The following MGRN1 variants were observed in gnomAD, a reference collection of about 807,000 sequenced individuals.
MGRN1 encodes E3 ubiquitin-protein ligase MGRN1.
MGRN1 carries 29 observed loss-of-function variants against 69.2 expected under a neutral mutation model. That is an observed-to-expected ratio of 0.42 (90% CI 0.31 to 0.57). The LOEUF (loss-of-function observed/expected upper bound fraction) is 0.57. MGRN1 is among the 20% of genes least tolerant of loss of function. The pLI is 0.15. For missense variants in MGRN1, 998 were observed against 796.2 expected (o/e 1.25, Z -3.05); for synonymous variants, 470 against 344.2 (o/e 1.37, Z -4.04).
chr16:4,682,379 A>T (rs1055839725), intron 13 of MGRN1, among the ~76,000 whole-genome samples: 1 of 152,170 alleles, frequency 6.6e-6, no homozygotes, highest in Non-Finnish European at 1.5e-5. Context: ...GGCGGCTGCC[A>T]GGGGGACTCT....
At chr16:4,669,300 AAC>A (rs2078886811) in intron 8 of MGRN1, 1 of 152,094 alleles carries the variant, frequency 6.6e-6, no homozygotes, top group Non-Finnish European at 1.5e-5. Flanking sequence ...CGGGTATAAT[AAC>A]ACATGCCTGT....
chr16:4,664,804 G>A, intron 6 of MGRN1, 29 bp downstream of exon 6: 9 of 1,612,828 alleles, frequency 5.6e-6, no homozygotes, highest in Non-Finnish European at 7.6e-6. Context: ...GTCCTCCTGG[G>A]CGTGCAGGCC....
At position 4,668,279 on chromosome 16, in the gene MGRN1, C is replaced by T. The variant is rs780474483; in HGVS notation, c.693C>T (p.Ser231=). 18 of 1,614,008 alleles carry T rather than the reference C, an allele frequency of 1.1e-5. 1 individual carries two copies. The Middle Eastern group carries it at 1.5e-3, about 133-fold the overall frequency. Residue 231 remains serine (S), a synonymous_variant, in exon 8 of 17, where the codon AGC becomes AGT. Transcript: ENST00000262370. ...LAAFEKHMDG[S]FSVKPLKQKQ... ...CTCCCCTGCAGCACATGGACGGCAG[C>T]TTCTCTGTGAAGCCTTTAAAGCAGA...
chr16:4,654,574 A>C (rs1319342750), intron 4 of MGRN1, among the ~76,000 whole-genome samples: 1 of 152,238 alleles, frequency 6.6e-6, no homozygotes, highest in East Asian at 1.9e-4. Flanking sequence ...TCAGCTTTGC[A>C]TCTGGGGATA....
intron 11 of MGRN1, among the ~76,000 whole-genome samples, 187 bp from the exon 12 acceptor site, chr16:4,679,845 C>T (rs1019240844): frequency 2.6e-5 from 4 of 152,124 alleles, no homozygotes; most frequent in African/African-American, 4.8e-5. Flanking sequence ...GCTGCCGAGA[C>T]GCACACATGG....
chr16:4,643,902 GT>G (rs1186416939), intron 1 of MGRN1, among the ~76,000 whole-genome samples: 1 of 152,026 alleles, frequency 6.6e-6, no homozygotes, highest in African/African-American at 2.4e-5. Context: ...TTTTCTCCTG[GT>G]TAATTCATGC....
chr16:4,687,517 A>G (rs2079355676), intron 16 of MGRN1: 1 of 982,708 alleles, frequency 1.0e-6, no homozygotes, highest in Non-Finnish European at 1.2e-6. Context: ...TCAATAAAAA[A>G]AAATACACAC....
chr16:4,660,498 C>T (rs777876636), intron 5 of MGRN1, among the ~76,000 whole-genome samples: 2 of 152,382 alleles, frequency 1.3e-5, no homozygotes, highest in African/African-American at 2.4e-5. Flanking sequence ...AAAAAAATCA[C>T]AGCTCACTCA....
chr16:4,646,890 G>A (rs144241857), intron 1 of MGRN1, among the ~76,000 whole-genome samples: 1 of 152,184 alleles, frequency 6.6e-6, no homozygotes, highest in Non-Finnish European at 1.5e-5. Flanking sequence ...CCTGCCTGGG[G>A]CCATGGAGTG....
intron 1 of MGRN1, among the ~76,000 whole-genome samples, chr16:4,628,384 C>G (rs184963861): frequency 0.011 from 269 of 24,952 alleles, no homozygotes; most frequent in African/African-American, 0.018. Context: ...GACTCTGTCT[C>G]CAAAAAAAAA....
intron 5 of MGRN1, chr16:4,664,335 T>G: frequency 1.7e-5 from 5 of 303,012 alleles, no homozygotes; most frequent in Middle Eastern, 1.1e-3. Context: ...AGGAAGCACA[T>G]GGTGGCTGCC....
intron 15 of MGRN1, 146 bp from the exon 16 acceptor site, chr16:4,683,697 C>G: frequency 1.6e-6 from 1 of 633,120 alleles, no homozygotes; most frequent in Non-Finnish European, 2.7e-6. Flanking sequence ...CAGGTGGGGT[C>G]ACGGTGGAGT....
chr16:4,647,703 G>C (rs1310960286), intron 1 of MGRN1, among the ~76,000 whole-genome samples: 1 of 152,166 alleles, frequency 6.6e-6, no homozygotes, highest in Non-Finnish European at 1.5e-5. Flanking sequence ...GGTATGTCTG[G>C]ATCAGCTTGG....
At position 4,650,609 on chromosome 16, in the gene MGRN1, C is replaced by T. The variant is rs77896873; in HGVS notation, c.207+126C>T. On this transcript the variant is annotated intron_variant, in intron 2 of 16. Coordinates refer to ENST00000262370, the MANE Select transcript of MGRN1 (RefSeq NM_015246.4). Reference sequence around the variant, plus strand: ...CCCCTAAAGGGGGCAGAGCTCCTGGCAGGATTCCAGTTGAGCTTGGGTGTG... The same window carrying T: ...CCCCTAAAGGGGGCAGAGCTCCTGGTAGGATTCCAGTTGAGCTTGGGTGTG... The T allele has an allele frequency of 9.0e-4, 654 of 730,384 alleles. 3 individuals are homozygous for T. The African/African-American group carries it at 0.011, about 12-fold the overall frequency. 45.2% of individuals were successfully genotyped at this position (730,384 alleles called of 1,614,324 possible).
At chr16:4,629,645 A>C (rs1897891571) in intron 1 of MGRN1, among the ~76,000 whole-genome samples, 1 of 151,960 alleles carries the variant, frequency 6.6e-6, no homozygotes, top group Non-Finnish European at 1.5e-5. Context: ...AGGCTGAGGC[A>C]GGAGAATTGT....
At chr16:4,657,207 C>A (rs777406431) in intron 4 of MGRN1, 39 bp from the exon 5 acceptor site, 2 of 1,589,970 alleles carry the variant, frequency 1.3e-6, no homozygotes, top group African/African-American at 2.7e-5. Flanking sequence ...GGGCCCTCTT[C>A]CTGCCGCAGC....
intron 16 of MGRN1, chr16:4,687,939 C>T (rs2079370357): frequency 3.0e-6 from 3 of 985,666 alleles, no homozygotes; most frequent in African/African-American, 1.7e-5. Flanking sequence ...ACAGTCAGCA[C>T]CTTTCAGACG....
rs2078759918 is a variant in MGRN1, at chr16:4,664,720, C to T, written c.573C>T (p.Asp191=). 1 of 1,614,198 alleles carries T rather than the reference C, an allele frequency of 6.2e-7. No individual in the cohort carries two copies. Among genetic ancestry groups the T allele is most frequent in the East Asian group, 2.2e-5 (1 of 44,876 alleles). The part of the protein sequence containing the change: ...SEWKDDELNF[D]LDRGVFPVVI... The stretch of plus-strand genomic sequence containing the variant: ...AACTCTCTCCTCAGCTGAACTTTGA[C>T]CTGGACCGGGGCGTGTTTCCAGTAG... Residue 191 remains aspartate, a synonymous_variant, in exon 6 of 17, where the codon GAC becomes GAT. Coordinates refer to ENST00000262370, the MANE Select transcript of MGRN1 (RefSeq NM_015246.4).
intron 4 of MGRN1, among the ~76,000 whole-genome samples, chr16:4,653,303 G>A (rs766574229): frequency 6.6e-6 from 1 of 152,152 alleles, no homozygotes; most frequent in Non-Finnish European, 1.5e-5. Context: ...TGTGGGGGAA[G>A]GGGTGGGGCG....
Sources: gnomAD v4.1 joint callset for allele counts (sites outside exome capture counted in the v4.1 genomes callset) on GRCh38, gnomAD v4.1.1 for gene constraint, MANE v1.5 for transcripts, NCBI Gene and HGNC (gene_info 2026-07-23, HGNC 2026-07-21) for gene names.